NMT2: variants seen among roughly 807,000 people sequenced by gnomAD.
NMT2 encodes the protein N-myristoyltransferase 2, also known as glycylpeptide N-tetradecanoyltransferase 2.
A neutral mutation model predicts 65.4 loss-of-function variants in NMT2; 35 were observed. That is an observed-to-expected ratio of 0.54 (90% CI 0.41 to 0.71). The LOEUF is 0.71. Ranked by LOEUF, NMT2 falls within the 30% of genes least tolerant of loss-of-function variation. NMT2 has a pLI of 0.00. For missense variants in NMT2, 489 were observed against 611.3 expected, an observed-to-expected ratio of 0.80 and a Z score of 2.11; for synonymous variants, 226 against 231.8, an observed-to-expected ratio of 0.98 and a Z score of 0.23.
intron 1 of NMT2, among the ~76,000 whole-genome samples, chr10:15,161,390 C>T (rs985712903): frequency 1.4e-4 from 22 of 152,152 alleles, no homozygotes; most frequent in South Asian, 1.0e-3. Context: ...CTTGCTCTGT[C>T]GCCCAGGCTG....
chr10:15,109,700 A>G lies in NMT2; in HGVS notation c.1476+2T>C, dbSNP rs752337815. On this transcript the variant is annotated splice_donor_variant, in intron 11 of 11. Transcript: ENST00000378165. LOFTEE classifies it high-confidence loss of function. Reference sequence around the variant, plus strand: ...TACAAGGGCTATATCCATTTCACTTACCTTTTCAGAATCTGTACCTGGACA... The same window carrying G: ...TACAAGGGCTATATCCATTTCACTTGCCTTTTCAGAATCTGTACCTGGACA... 1.9e-6 allele frequency: 3 copies of G among 1,604,564 alleles called. No homozygotes were observed. The East Asian group carries it at 6.7e-5, about 36-fold the overall frequency.
chr10:15,151,990 C>T (rs933629555), intron 1 of NMT2, among the ~76,000 whole-genome samples: 2 of 152,240 alleles, frequency 1.3e-5, no homozygotes, highest in Non-Finnish European at 2.9e-5. Context: ...CGTGCCACTG[C>T]ACTCCAGCCT....
intron 6 of NMT2, among the ~76,000 whole-genome samples, chr10:15,130,939 G>A (rs1334319047): frequency 1.3e-5 from 2 of 151,692 alleles, no homozygotes; most frequent in Admixed American, 6.6e-5. Flanking sequence ...ACAGGTGCAC[G>A]CCACCATGCC....
At position 15,119,415 on chromosome 10, in the gene NMT2, T is replaced by C. The variant is rs1168170480; in HGVS notation, c.1098A>G (p.Pro366=). ...NTYLKQFHLA[P]VMDEEEVAHW... is the part of the protein sequence containing the mutation. ...GGGCTACTTCCTCTTCATCCATCAC[T>C]GGAGCCAGATGAAACTGCTTCAGGT... Residue 366 remains proline (P), a synonymous_variant, in exon 9 of 12, where the codon CCA becomes CCG. Transcript: ENST00000378165. 4 of 1,614,190 alleles carry C rather than the reference T, an allele frequency of 2.5e-6. No individual in the cohort carries two copies. The highest frequency in any genetic ancestry group is 3.4e-6 in the Non-Finnish European group (4 of 1,179,992).
chr10:15,160,726 A>G (rs1224659765), intron 1 of NMT2, among the ~76,000 whole-genome samples: 1 of 152,098 alleles, frequency 6.6e-6, no homozygotes, highest in Non-Finnish European at 1.5e-5. Flanking sequence ...GTGAGCAAAG[A>G]TGACGACACT....
At chr10:15,155,031 A>G (rs563429648) in intron 1 of NMT2, 1 of 1,222,414 alleles carries the variant, frequency 8.2e-7, no homozygotes, top group Admixed American at 1.7e-5. Context: ...CTTCATGGAC[A>G]AGATGCCAGG....
chr10:15,128,237 A>G, intron 8 of NMT2, 113 bp downstream of exon 8: 3 of 694,396 alleles, frequency 4.3e-6, no homozygotes, highest in Non-Finnish European at 7.6e-6. Flanking sequence ...TTCGCTCCAT[A>G]TTCACTTCCT....
intron 10 of NMT2, among the ~76,000 whole-genome samples, chr10:15,111,251 C>T (rs1378226210): frequency 6.6e-6 from 1 of 151,866 alleles, no homozygotes; most frequent in Non-Finnish European, 1.5e-5. Context: ...TGGCTCACGC[C>T]TGTAATCCCC....
Position 15,107,108 on chromosome 10 carries a change from T to TA in NMT2, c.*2086dup, listed in dbSNP as rs59625068. On this transcript the variant is annotated 3_prime_UTR_variant, in exon 12 of 12. Coordinates refer to ENST00000378165, the MANE Select transcript of NMT2 (RefSeq NM_004808.3). Reference sequence around the variant, plus strand: ...TGGACAATAGAGTGAGACCCTGTCCTAAAAAAAAAAAAAAAAAAAGTATGG... The same window carrying TA: ...TGGACAATAGAGTGAGACCCTGTCCTAAAAAAAAAAAAAAAAAAAAGTATGG... 7.5e-4 allele frequency among the ~76,000 whole-genome samples: 100 copies of TA among 133,736 alleles called. No individual in the cohort carries two copies. The highest frequency in any genetic ancestry group is 1.9e-3 in the African/African-American group (68 of 35,698). 87.7% of individuals were successfully genotyped at this position (133,736 alleles called of 152,430 possible). A position where few individuals can be genotyped will look rare whatever the true frequency, so the allele number is the denominator to read the frequency against.
At chr10:15,113,102 G>A (rs1845621079) in intron 9 of NMT2, 139 bp from the exon 10 acceptor site, 3 of 863,542 alleles carry the variant, frequency 3.5e-6, no homozygotes, top group East Asian at 2.6e-5. Context: ...CCAATTTGGG[G>A]CCCCTTATAT....
chr10:15,119,253 T>C lies in NMT2; in HGVS notation c.1170+90A>G, dbSNP rs566940667. On this transcript the variant is annotated intron_variant, in intron 9 of 11. Coordinates refer to ENST00000378165, the MANE Select transcript of NMT2 (RefSeq NM_004808.3). ...ATCTTTGTAATGTTCTGTGATGAAA[T>C]AGAAGGAAGTGTGTGTAAATAATTC... 67 of 1,105,558 alleles carry C rather than the reference T, an allele frequency of 6.1e-5. 1 individual carries two copies. In the South Asian group the frequency reaches 6.4e-4, roughly 11 times the overall value. The allele number at this position is 1,105,558 out of a possible 1,614,324, so 68.5% of individuals were successfully genotyped here. A position where few individuals can be genotyped will look rare whatever the true frequency, so the allele number is the denominator to read the frequency against.
Position 15,113,463 on chromosome 10 carries a change from C to CAAAAAAAAAAAAAAA in NMT2, c.1171-515_1171-501dup, listed in dbSNP as rs1169255963. On this transcript the variant is annotated intron_variant, in intron 9 of 11. Coordinates refer to ENST00000378165, the MANE Select transcript of NMT2 (RefSeq NM_004808.3). ...CCAGCCTGGGCGACAGGATGAGACT[C>CAAAAAAAAAAAAAAA]AAAAAAAAAAAAAAAAAAAAAAAAA... is the stretch of plus-strand genomic sequence containing the variant. 7.3e-4 allele frequency among the ~76,000 whole-genome samples: 27 copies of CAAAAAAAAAAAAAAA among 36,986 alleles called. 1 individual carries two copies. The highest frequency in any genetic ancestry group is 1.8e-3 in the African/African-American group (19 of 10,832). 24.3% of individuals were successfully genotyped at this position (36,986 alleles called of 152,430 possible). A position where few individuals can be genotyped will look rare whatever the true frequency, so the allele number is the denominator to read the frequency against.
At chr10:15,156,664 C>T (rs1331498931) in intron 1 of NMT2, among the ~76,000 whole-genome samples, 13 of 151,990 alleles carry the variant, frequency 8.6e-5, no homozygotes, top group Non-Finnish European at 1.8e-4. Context: ...TTTGGGAGGT[C>T]GAGGCGGGAG....
intron 8 of NMT2, among the ~76,000 whole-genome samples, chr10:15,125,514 G>T (rs1381094488): frequency 6.6e-6 from 1 of 152,174 alleles, no homozygotes. Context: ...ACATGTAAGT[G>T]TGTCTTTTCC....
chr10:15,157,869 A>G (rs908920560), intron 1 of NMT2, among the ~76,000 whole-genome samples: 3 of 152,352 alleles, frequency 2.0e-5, no homozygotes, highest in Admixed American at 6.5e-5. Flanking sequence ...ACTCTTATTG[A>G]GAGTCCAAGA....
chr10:15,128,570 TAGA>T, intron 7 of NMT2, 112 bp from the exon 8 acceptor site: 1 of 667,868 alleles, frequency 1.5e-6, no homozygotes, highest in Admixed American at 2.7e-5. Flanking sequence ...TACGTTGTAC[TAGA>T]CAGAGGCCCT....
At chr10:15,160,864 A>C (rs780054449) in intron 1 of NMT2, among the ~76,000 whole-genome samples, 2 of 152,076 alleles carry the variant, frequency 1.3e-5, no homozygotes, top group Non-Finnish European at 2.9e-5. Context: ...AAATGCCAGA[A>C]GCTTCTAGAC....
In NMT2 at chr10:15,141,553, G is replaced by T. The variant is rs1846765683; in HGVS notation, c.115C>A (p.Pro39Thr). Reference protein sequence around the residue: ...EEETEHAKGSPGGYLGAKKKK... With the variant: ...EEETEHAKGSTGGYLGAKKKK... ...TTTTTGGCTCCCAAATACCCTCCAGGACTTCTGCAGGAAATGCAAAGATGG... is the reference window on the plus strand; with the variant it reads ...TTTTTGGCTCCCAAATACCCTCCAGTACTTCTGCAGGAAATGCAAAGATGG... Residue 39 changes from proline to threonine, a missense_variant, in exon 2 of 12, where the codon CCT becomes ACT. Transcript: ENST00000378165. 1 of 1,607,568 alleles carries T rather than the reference G, an allele frequency of 6.2e-7. No individual in the cohort carries two copies. The highest frequency in any genetic ancestry group is 1.7e-5 in the Admixed American group (1 of 58,276).
chr10:15,154,744 T>C, intron 1 of NMT2: 1 of 604,618 alleles, frequency 1.7e-6, no homozygotes, highest in African/African-American at 1.8e-5. Context: ...AGGGTGTTCT[T>C]CTGAGCTACA....
Sources: allele counts gnomAD v4.1 joint callset (sites outside exome capture counted in the v4.1 genomes callset), GRCh38; gene constraint gnomAD v4.1.1; transcripts MANE v1.5; gene names NCBI Gene and HGNC (gene_info 2026-07-23, HGNC 2026-07-21).